The following NADK2 variants were observed in gnomAD, a reference collection of about 807,000 sequenced individuals.
NADK2 encodes the protein NAD kinase domain-containing protein 1, mitochondrial.
NADK2 carries 35 observed loss-of-function variants against 62.1 expected under a neutral mutation model. The ratio of observed to expected loss-of-function variants is 0.56; its 90% confidence interval spans 0.43 to 0.75. NADK2 has a LOEUF of 0.75. Among genes scored for constraint, NADK2 ranks in the 30% least tolerant of loss-of-function variants. The pLI is 0.00. For synonymous variants in NADK2, 205 were observed against 207.9 expected (o/e 0.99, Z 0.12); for missense variants, 439 against 561.3 (o/e 0.78, Z 2.20).
intron 1 of NADK2, among the ~76,000 whole-genome samples, chr5:36,234,320 T>C (rs1223849692): frequency 1.5e-5 from 2 of 131,628 alleles, no homozygotes; most frequent in Non-Finnish European, 3.1e-5. Context: ...TTGCAGTGAG[T>C]CGAGATCGCG....
chr5:36,237,113 C>T (rs72744565), intron 1 of NADK2, among the ~76,000 whole-genome samples: 45,014 of 152,000 alleles, frequency 0.3, 8,026 homozygotes, highest in South Asian at 0.45. Flanking sequence ...GCAATTTGGC[C>T]AAATCTGTTA....
chr5:36,225,737 T>C, intron 3 of NADK2, 114 bp from the exon 4 acceptor site: 2 of 779,196 alleles, frequency 2.6e-6, no homozygotes, highest in East Asian at 2.6e-5. Context: ...TGCTAACCGC[T>C]ATAGCCTATC....
At position 36,205,248 on chromosome 5, in the gene NADK2, G is replaced by T. The variant is rs1275788694; in HGVS notation, c.956+1922C>A. On this transcript the variant is annotated intron_variant, in intron 8 of 11. Transcript: ENST00000381937. This position sits in a 1 kb window ranked among gnomAD's most constrained non-coding sequence, Gnocchi z 4.1. ...CTATAATAGTGCTATGAGAAAAAGTGTTAGGGAAGGATGAAAATGATTAAT... is the reference window on the plus strand; with the variant it reads ...CTATAATAGTGCTATGAGAAAAAGTTTTAGGGAAGGATGAAAATGATTAAT... 6.6e-6 allele frequency among the ~76,000 whole-genome samples: 1 copy of T among 152,066 alleles called. No homozygotes were observed. Among genetic ancestry groups the T allele is most frequent in the Non-Finnish European group, 1.5e-5 (1 of 67,978 alleles).
In NADK2 at chr5:36,194,226, C is replaced by T. The variant is rs1746140079; in HGVS notation, c.*918G>A. 1 of 152,032 alleles carries T rather than the reference C, an allele frequency of 6.6e-6. No individual in the cohort carries two copies. Among genetic ancestry groups the T allele is most frequent in the African/African-American group, 2.4e-5 (1 of 41,400 alleles). The allele number at this position is 152,032 out of a possible 1,614,324, so 9.4% of individuals were successfully genotyped here. On this transcript the variant is annotated 3_prime_UTR_variant, in exon 12 of 12. Coordinates refer to ENST00000381937, the MANE Select transcript of NADK2 (RefSeq NM_001085411.3). ...AATACTAAGGAAGGCAATTCCAAAACTACTGTGTTTTACATATTTATTAAA... is the reference window on the plus strand; with the variant it reads ...AATACTAAGGAAGGCAATTCCAAAATTACTGTGTTTTACATATTTATTAAA...
chr5:36,195,386 T>C (rs1746193617), intron 11 of NADK2, 104 bp from the exon 12 acceptor site: 3 of 1,215,502 alleles, frequency 2.5e-6, no homozygotes, highest in Non-Finnish European at 3.4e-6. Flanking sequence ...ATTTTAAAAA[T>C]CAAGTTGTTC....
chr5:36,228,266 A>G (rs1291368275), intron 1 of NADK2, among the ~76,000 whole-genome samples: 3 of 152,198 alleles, frequency 2.0e-5, no homozygotes, highest in African/African-American at 7.2e-5. Context: ...AATAATCCAT[A>G]AAGTAAAATG....
intron 4 of NADK2, among the ~76,000 whole-genome samples, chr5:36,224,033 AAAG>A (rs1462490303): frequency 6.6e-6 from 1 of 152,164 alleles, no homozygotes; most frequent in African/African-American, 2.4e-5. Flanking sequence ...TTTATTGAAG[AAAG>A]AAGGATAAGG....
rs1746172427 is a variant in NADK2, at chr5:36,194,935, T to C, written c.*209A>G. On this transcript the variant is annotated 3_prime_UTR_variant, in exon 12 of 12. Transcript: ENST00000381937. ...AATATAAAAATTTCACTGGTATCAA[T>C]TCTAATTGGTTCAGTCCATCCATTT... 6.6e-6 allele frequency: 3 copies of C among 454,086 alleles called. No homozygotes were observed. Among genetic ancestry groups the C allele is most frequent in the Non-Finnish European group, 1.1e-5 (3 of 263,640 alleles). The allele number at this position is 454,086 out of a possible 1,614,324, so 28.1% of individuals were successfully genotyped here.
chr5:36,226,869 T>G (rs1747502863), intron 2 of NADK2, among the ~76,000 whole-genome samples: 1 of 152,172 alleles, frequency 6.6e-6, no homozygotes, highest in African/African-American at 2.4e-5. Context: ...TCTCTACTCC[T>G]TCTAATGCTT....
At chr5:36,222,661 A>T (rs900490153) in intron 4 of NADK2, among the ~76,000 whole-genome samples, 1 of 152,234 alleles carries the variant, frequency 6.6e-6, no homozygotes, top group Non-Finnish European at 1.5e-5. Context: ...TTAGATCTGC[A>T]CTTTAGAAAG....
chr5:36,219,412 T>C (rs372171555), intron 5 of NADK2, among the ~76,000 whole-genome samples, 184 bp downstream of exon 5: 7 of 152,282 alleles, frequency 4.6e-5, no homozygotes, highest in East Asian at 3.9e-4. Flanking sequence ...GGTTTCACCA[T>C]GTTGCCCAGG....
intron 8 of NADK2, among the ~76,000 whole-genome samples, chr5:36,202,051 G>A (rs150535790): frequency 3.4e-4 from 52 of 152,032 alleles, no homozygotes; most frequent in Middle Eastern, 3.4e-3. Context: ...ATGAGTCAAC[G>A]CAATTCTAAA....
chr5:36,198,258 T>C (rs953066606), intron 10 of NADK2, among the ~76,000 whole-genome samples: 1 of 151,982 alleles, frequency 6.6e-6, no homozygotes, highest in Non-Finnish European at 1.5e-5. Context: ...GATATCAGGC[T>C]TGAAAGTTTA....
Position 36,207,169 on chromosome 5 carries a change from C to A in NADK2, c.956+1G>T. On this transcript the variant is annotated splice_donor_variant, in intron 8 of 11. Transcript: ENST00000381937. LOFTEE classifies it high-confidence loss of function. ...GATAAGCAACATCCCAAGTTACTCA[C>A]CAGGCCTTTGATCCTGTTCCAGTAC... The A allele has an allele frequency of 6.2e-7, 1 of 1,610,376 alleles. No homozygotes were observed. The highest frequency in any genetic ancestry group is 8.5e-7 in the Non-Finnish European group (1 of 1,177,434).
At chr5:36,223,667 A>G (rs1454529238) in intron 4 of NADK2, among the ~76,000 whole-genome samples, 2 of 152,212 alleles carry the variant, frequency 1.3e-5, no homozygotes, top group African/African-American at 4.8e-5. Flanking sequence ...AGATTCGGTA[A>G]GTAGGATATC....
In NADK2 at chr5:36,241,706, G is replaced by A; in HGVS notation, c.93C>T (p.Pro31=). Residue 31 remains proline (P), a synonymous_variant, in exon 1 of 12, where the codon CCC becomes CCT. Coordinates refer to ENST00000381937, the MANE Select transcript of NADK2 (RefSeq NM_001085411.3). This position sits in a 1 kb window ranked among gnomAD's most constrained non-coding sequence, Gnocchi z 4.9. The part of the protein sequence containing the change: ...AALRGPGAGG[P]AARPRLGGDG... ...CACCGCCCAGCCGGGGCCGCGCGGCGGGGCCTCCCGCACCCGGTCCCCGCA... is the reference window on the plus strand; with the variant it reads ...CACCGCCCAGCCGGGGCCGCGCGGCAGGGCCTCCCGCACCCGGTCCCCGCA... 8.8e-7 allele frequency: 1 copy of A among 1,133,692 alleles called. No homozygotes were observed. Among genetic ancestry groups the A allele is most frequent in the East Asian group, 4.7e-5 (1 of 21,434 alleles). The allele number at this position is 1,133,692 out of a possible 1,614,324, so 70.2% of individuals were successfully genotyped here. A position where few individuals can be genotyped will look rare whatever the true frequency, so the allele number is the denominator to read the frequency against.
Position 36,217,882 on chromosome 5 carries a change from C to T in NADK2, c.647G>A (p.Trp216Ter). The T allele has an allele frequency of 6.2e-7, 1 of 1,612,388 alleles. No homozygotes were observed. The highest frequency in any genetic ancestry group is 8.5e-7 in the Non-Finnish European group (1 of 1,178,968). ...TAACCTGATTCTCTGCCTCCACAAC[C>T]ACCTTAGAAAAATGAAGAAAAGGCA... is the stretch of plus-strand genomic sequence containing the variant. ...LQKFYRGEFR[W>*]LWRQRIRLYL... The change falls in exon 6 of 12, where the codon TGG becomes TAG. Residue 216 changes from tryptophan to a stop codon, truncating the protein, a stop_gained and splice_region_variant. Coordinates refer to ENST00000381937, the MANE Select transcript of NADK2 (RefSeq NM_001085411.3). LOFTEE classifies it high-confidence loss of function.
upstream of NADK2, chr5:36,242,060 G>A (rs1360506130): frequency 1.0e-5 from 2 of 199,566 alleles, no homozygotes; most frequent in African/African-American, 2.3e-5. Context: ...GCCCCAGCTA[G>A]TGGGTTTTGT....
chr5:36,208,339 C>G (rs185768658), intron 7 of NADK2, among the ~76,000 whole-genome samples: 69 of 152,074 alleles, frequency 4.5e-4, no homozygotes, highest in Admixed American at 9.2e-4. Flanking sequence ...TCCTAGAAAA[C>G]ACACATTAGG....
Sources: allele counts gnomAD v4.1 joint callset (sites outside exome capture counted in the v4.1 genomes callset), GRCh38; gene constraint gnomAD v4.1.1; non-coding constraint Gnocchi (gnomAD v3.1); transcripts MANE v1.5; gene names NCBI Gene and HGNC (gene_info 2026-07-23, HGNC 2026-07-21).